ABLIM1: variants seen among roughly 807,000 people sequenced by gnomAD.
ABLIM1 encodes the protein actin binding LIM protein 1.
A neutral mutation model predicts 107.0 loss-of-function variants in ABLIM1; 40 were observed. The observed-to-expected ratio is 0.37, with a 90% CI of 0.29 to 0.49. The LOEUF is 0.49. Ranked by LOEUF, ABLIM1 falls within the 20% of genes least tolerant of loss-of-function variation. The probability of loss-of-function intolerance (pLI) is 0.97; values close to 1 mark genes in which losing one functional copy is unlikely to be tolerated. For synonymous variants in ABLIM1, 357 were observed against 357.3 expected (o/e 1.00, Z 0.01); for missense variants, 857 against 1,008.5 (o/e 0.85, Z 2.04).
intron 1 of ABLIM1, chr10:114,632,609 TG>T: frequency 6.1e-6 from 6 of 985,382 alleles, no homozygotes; most frequent in African/African-American, 1.7e-5. Context: ...TGAATGGGGC[TG>T]GGGGAAGGTA....
chr10:114,506,686 T>C (rs1054268151), intron 6 of ABLIM1, among the ~76,000 whole-genome samples: 3 of 152,218 alleles, frequency 2.0e-5, no homozygotes, highest in African/African-American at 4.8e-5. Flanking sequence ...CAGTTTTAAA[T>C]AGGGTTATTT....
At chr10:114,718,066 GAAGA>G (rs1162660548) in intron 1 of ABLIM1, among the ~76,000 whole-genome samples, 3 of 74,244 alleles carry the variant, frequency 4.0e-5, no homozygotes, top group Admixed American at 1.6e-4. Flanking sequence ...AGAAAGAAAG[GAAGA>G]AAGGAAGGAA....
intron 6 of ABLIM1, among the ~76,000 whole-genome samples, chr10:114,494,551 A>AAACAAC (rs573252074): frequency 2.6e-5 from 4 of 152,034 alleles, no homozygotes; most frequent in African/African-American, 7.2e-5. Context: ...AAACCAAACC[A>AAACAAC]AACAACAACA....
intron 4 of ABLIM1, among the ~76,000 whole-genome samples, chr10:114,567,928 C>T (rs186490638): frequency 2.0e-5 from 3 of 152,196 alleles, no homozygotes; most frequent in Admixed American, 6.5e-5. Context: ...CGGTGGCTCA[C>T]GCCTGTAATC....
intron 6 of ABLIM1, among the ~76,000 whole-genome samples, chr10:114,526,156 T>A (rs1269430218): frequency 3.3e-5 from 5 of 151,846 alleles, no homozygotes; most frequent in African/African-American, 1.2e-4. Context: ...GGGTATTTCT[T>A]AAAGAAAAAA....
chr10:114,801,339 C>A, the ABLIM1 span, among the ~76,000 whole-genome samples: 5 of 152,040 alleles, frequency 3.3e-5, no homozygotes, highest in African/African-American at 1.2e-4. Flanking sequence ...CACAAAGGTC[C>A]TTGTCATCTT....
intron 6 of ABLIM1, among the ~76,000 whole-genome samples, chr10:114,514,212 G>A (rs2062416758): frequency 6.6e-6 from 1 of 151,968 alleles, no homozygotes; most frequent in Non-Finnish European, 1.5e-5. Context: ...TCACTTGAAT[G>A]GGAGGGGGAA....
chr10:114,436,022 A>G lies in ABLIM1; in HGVS notation c.*238T>C, dbSNP rs112726690. On this transcript the variant is annotated 3_prime_UTR_variant, in exon 23 of 23. Coordinates refer to ENST00000533213, the MANE Select transcript of ABLIM1 (RefSeq NM_002313.7). ...ACATAAGGTAATGTGAAAAGCTCAC[A>G]TGTGGACACTACTCTGTGTTTCGGA... 156 of 510,960 alleles carry G rather than the reference A, an allele frequency of 3.1e-4. No homozygotes were observed. The highest frequency in any genetic ancestry group is 2.7e-3 in the African/African-American group (142 of 52,488). The allele number at this position is 510,960 out of a possible 1,614,324, so 31.7% of individuals were successfully genotyped here.
chr10:114,568,432 A>G (rs2071131980), intron 4 of ABLIM1, among the ~76,000 whole-genome samples: 1 of 152,184 alleles, frequency 6.6e-6, no homozygotes, highest in African/African-American at 2.4e-5. Context: ...TAAAAGAGGA[A>G]CTAAAGTCAC....
chr10:114,462,755 A>AAT (rs60395105), intron 12 of ABLIM1, among the ~76,000 whole-genome samples: 2,217 of 150,226 alleles, frequency 0.015, 55 homozygotes, highest in African/African-American at 0.048. Flanking sequence ...ACAAAATAAT[A>AAT]ATATATATAT....
chr10:114,700,253 T>C (rs1385917703), intron 1 of ABLIM1, among the ~76,000 whole-genome samples: 1 of 152,160 alleles, frequency 6.6e-6, no homozygotes, highest in Non-Finnish European at 1.5e-5. Context: ...ATGATCTACA[T>C]AGAACACTAC....
intron 1 of ABLIM1, among the ~76,000 whole-genome samples, chr10:114,756,030 C>A (rs1159614412): frequency 6.6e-6 from 1 of 151,278 alleles, no homozygotes; most frequent in African/African-American, 2.4e-5. Flanking sequence ...GGATTAAATC[C>A]ATTTATTAAA....
chr10:114,674,563 G>C (rs528130814), intron 1 of ABLIM1, among the ~76,000 whole-genome samples: 7 of 152,278 alleles, frequency 4.6e-5, no homozygotes, highest in African/African-American at 1.7e-4. Context: ...TGTTTTGTAA[G>C]TAACAGTTTC....
chr10:114,713,909 G>C (rs971986484), intron 1 of ABLIM1, among the ~76,000 whole-genome samples: 2 of 152,184 alleles, frequency 1.3e-5, no homozygotes, highest in Non-Finnish European at 2.9e-5. Context: ...AACCAAGTGA[G>C]ACAAAAACGG....
intron 1 of ABLIM1, among the ~76,000 whole-genome samples, chr10:114,760,169 C>T (rs1448817115): frequency 6.6e-6 from 1 of 151,842 alleles, no homozygotes; most frequent in Non-Finnish European, 1.5e-5. Context: ...TCAATAAATA[C>T]TAGCTGATTG....
intron 1 of ABLIM1, among the ~76,000 whole-genome samples, chr10:114,747,129 T>G (rs545479794): frequency 1.2e-4 from 19 of 152,296 alleles, no homozygotes; most frequent in African/African-American, 4.3e-4. Flanking sequence ...CAGACACCAT[T>G]TTTTCACAAA....
intron 1 of ABLIM1, among the ~76,000 whole-genome samples, chr10:114,706,443 G>C (rs79312688): frequency 0.068 from 10,384 of 152,230 alleles, 613 homozygotes; most frequent in African/African-American, 0.15. Context: ...ACAAATGTCT[G>C]CTGGCAATGA....
chr10:114,693,477 A>G (rs1297029364), intron 1 of ABLIM1, among the ~76,000 whole-genome samples: 1 of 152,194 alleles, frequency 6.6e-6, no homozygotes, highest in African/African-American at 2.4e-5. Context: ...CTCTCTCCAG[A>G]TCGCCAAGTA....
chr10:114,586,595 T>G (rs1281967971), intron 2 of ABLIM1, among the ~76,000 whole-genome samples: 2 of 152,210 alleles, frequency 1.3e-5, no homozygotes, highest in Non-Finnish European at 2.9e-5. Context: ...GTTTTACATG[T>G]ACTAAGAGAT....
Sources: allele counts gnomAD v4.1 joint callset (sites outside exome capture counted in the v4.1 genomes callset), GRCh38; gene constraint gnomAD v4.1.1; transcripts MANE v1.5; gene names NCBI Gene and HGNC (gene_info 2026-07-23, HGNC 2026-07-21).